The following UNC13C variants were observed in gnomAD, a reference collection of about 807,000 sequenced individuals.
UNC13C encodes unc-13 homolog C.
A neutral mutation model predicts 245.4 loss-of-function variants in UNC13C; 174 were observed. That is an observed-to-expected ratio of 0.71 (90% CI 0.63 to 0.80). UNC13C has a LOEUF of 0.80. Ranked by LOEUF, UNC13C falls within the 30% of genes least tolerant of loss-of-function variation. The probability of loss-of-function intolerance (pLI) is 0.00; values close to 1 mark genes in which losing one functional copy is unlikely to be tolerated. For missense variants in UNC13C, 2,829 were observed against 2,602.9 expected, an observed-to-expected ratio of 1.09 and a Z score of -1.89; for synonymous variants, 992 against 895.1, an observed-to-expected ratio of 1.11 and a Z score of -1.93.
chr15:54,077,626 C>T (rs1382331882), intron 2 of UNC13C, among the ~76,000 whole-genome samples: 1 of 151,986 alleles, frequency 6.6e-6, no homozygotes, highest in Admixed American at 6.6e-5. Flanking sequence ...CCACCTAGGC[C>T]TCCCAAAGTG....
At chr15:53,956,875 AGTGTGTGTGTGTGTGT>A in the UNC13C span, among the ~76,000 whole-genome samples, 1 of 139,700 alleles carries the variant, frequency 7.2e-6, no homozygotes, top group Non-Finnish European at 1.6e-5. Context: ...GTTAAGCTCA[AGTGTGTGTGTGTGTGT>A]GTGTGTGTGT....
intron 2 of UNC13C, among the ~76,000 whole-genome samples, chr15:54,030,526 T>A (rs188686742): frequency 1.3e-5 from 2 of 152,312 alleles, no homozygotes; most frequent in Admixed American, 1.3e-4. Flanking sequence ...GCAAAAACTT[T>A]TGTATAAATG....
At chr15:54,091,940 A>G (rs1490575472) in intron 2 of UNC13C, among the ~76,000 whole-genome samples, 2 of 151,916 alleles carry the variant, frequency 1.3e-5, no homozygotes, top group Admixed American at 1.3e-4. Context: ...TTTTCTTAGT[A>G]TTTTTTCAAG....
chr15:54,303,650 T>G (rs1482076962), intron 13 of UNC13C, among the ~76,000 whole-genome samples: 3 of 151,644 alleles, frequency 2.0e-5, no homozygotes, highest in Non-Finnish European at 4.4e-5. Flanking sequence ...TCCAGTTAAT[T>G]TAGAAAGCTT....
At chr15:53,937,623 G>C in the UNC13C span, among the ~76,000 whole-genome samples, 1 of 152,100 alleles carries the variant, frequency 6.6e-6, no homozygotes, top group Non-Finnish European at 1.5e-5. Flanking sequence ...AATGTTAAAG[G>C]CAGCCAGAGA....
chr15:54,457,113 A>C (rs1009980046), intron 19 of UNC13C, among the ~76,000 whole-genome samples: 1 of 151,920 alleles, frequency 6.6e-6, no homozygotes, highest in Non-Finnish European at 1.5e-5. Context: ...ATCAAATTCT[A>C]TTTCTGTGTC....
chr15:54,418,755 A>G lies in UNC13C; in HGVS notation c.4933+3688A>G, dbSNP rs117821259. 8.5e-5 allele frequency among the ~76,000 whole-genome samples: 13 copies of G among 152,290 alleles called. No individual in the cohort carries two copies. The East Asian group carries it at 2.5e-3, about 29-fold the overall frequency. The stretch of plus-strand genomic sequence containing the variant: ...AAAAGACAATAAAACGGGAGCAAGA[A>G]ATGAAGCTAATTAGCATCCGCTTTT... On this transcript the variant is annotated intron_variant, in intron 19 of 32. Transcript: ENST00000260323.
At chr15:53,999,542 A>T (rs888489575) in intron 1 of UNC13C, among the ~76,000 whole-genome samples, 1 of 151,386 alleles carries the variant, frequency 6.6e-6, no homozygotes, top group Non-Finnish European at 1.5e-5. Context: ...CTATTTGTTA[A>T]CTTCTGGGTT....
At chr15:54,497,987 C>A (rs1296602747) in intron 20 of UNC13C, among the ~76,000 whole-genome samples, 1 of 151,950 alleles carries the variant, frequency 6.6e-6, no homozygotes, top group African/African-American at 2.4e-5. Flanking sequence ...GGCTACCAGA[C>A]AACAGGACTA....
At chr15:54,373,264 T>C (rs1405787670) in intron 17 of UNC13C, among the ~76,000 whole-genome samples, 2 of 151,852 alleles carry the variant, frequency 1.3e-5, no homozygotes, top group Non-Finnish European at 2.9e-5. Flanking sequence ...ATACTGGGAG[T>C]GTTGCTTCAT....
intron 1 of UNC13C, among the ~76,000 whole-genome samples, chr15:53,995,866 A>T (rs1894607284): frequency 6.6e-6 from 1 of 152,284 alleles, no homozygotes; most frequent in South Asian, 2.1e-4. Context: ...GAGGTTGGAG[A>T]TGAAAGGACT....
intron 6 of UNC13C, among the ~76,000 whole-genome samples, chr15:54,236,740 G>C (rs2035710603): frequency 6.6e-6 from 1 of 152,198 alleles, no homozygotes; most frequent in African/African-American, 2.4e-5. Context: ...ATGTGGAGAT[G>C]AGTGGAGAGT....
intron 19 of UNC13C, among the ~76,000 whole-genome samples, chr15:54,480,506 A>G (rs1443836366): frequency 2.8e-5 from 4 of 143,988 alleles, no homozygotes; most frequent in Admixed American, 2.1e-4. Context: ...GACCTTCTCT[A>G]TTGTTGAAGT....
intron 2 of UNC13C, among the ~76,000 whole-genome samples, chr15:54,142,560 G>A (rs1373760562): frequency 6.6e-6 from 1 of 152,168 alleles, no homozygotes; most frequent in Non-Finnish European, 1.5e-5. Flanking sequence ...AGAGTCATCT[G>A]AGGTTTACTT....
the UNC13C span, among the ~76,000 whole-genome samples, chr15:53,956,406 C>T: frequency 1.3e-5 from 2 of 151,788 alleles, no homozygotes; most frequent in African/African-American, 4.8e-5. Flanking sequence ...CCTATAATGC[C>T]TCCACCGGTG....
At chr15:54,089,829 G>T (rs1447560148) in intron 2 of UNC13C, among the ~76,000 whole-genome samples, 2 of 152,112 alleles carry the variant, frequency 1.3e-5, no homozygotes, top group African/African-American at 4.8e-5. Flanking sequence ...GGTGTTACAA[G>T]GTGTCAATAC....
intron 19 of UNC13C, among the ~76,000 whole-genome samples, chr15:54,416,691 A>G (rs1300485058): frequency 1.3e-5 from 2 of 151,752 alleles, no homozygotes; most frequent in Non-Finnish European, 2.9e-5. Context: ...CTAGGCCTAT[A>G]CTCTGCATCC....
At chr15:53,874,277 T>C in the UNC13C span, among the ~76,000 whole-genome samples, 1 of 151,296 alleles carries the variant, frequency 6.6e-6, no homozygotes, top group South Asian at 2.1e-4. Context: ...CCTTAATACA[T>C]TATTTAATTT....
At chr15:54,472,772 C>T (rs530871252) in intron 19 of UNC13C, among the ~76,000 whole-genome samples, 124 of 151,984 alleles carry the variant, frequency 8.2e-4, no homozygotes, top group African/African-American at 2.7e-3. Flanking sequence ...ATCTAATAGA[C>T]GTTCTCACAT....
Sources: gnomAD v4.1 joint callset for allele counts (sites outside exome capture counted in the v4.1 genomes callset) on GRCh38, gnomAD v4.1.1 for gene constraint, MANE v1.5 for transcripts, NCBI Gene and HGNC (gene_info 2026-07-23, HGNC 2026-07-21) for gene names.